Variants in LUC7L3 observed in about 807,000 individuals in gnomAD.
LUC7L3 encodes the protein LUC7 like 3 pre-mRNA splicing factor, also known as luc7-like protein 3.
LUC7L3 carries 6 observed loss-of-function variants against 66.8 expected under a neutral mutation model. The ratio of observed to expected loss-of-function variants is 0.09; its 90% CI spans 0.05 to 0.18. LUC7L3 has a LOEUF of 0.18. LUC7L3 is among the 10% of genes least tolerant of loss of function. LUC7L3 has a pLI of 1.00. For missense variants in LUC7L3, 341 were observed against 531.1 expected (o/e 0.64, Z 3.52); for synonymous variants, 160 against 174.7 (o/e 0.92, Z 0.66).
intron 1 of LUC7L3, among the ~76,000 whole-genome samples, chr17:50,729,572 TCA>T (rs1969426018): frequency 1.3e-5 from 2 of 151,944 alleles, no homozygotes; most frequent in Admixed American, 6.6e-5. Flanking sequence ...CAGGGCATAC[TCA>T]CACACCCACA....
Position 50,750,890 on chromosome 17 carries a change from G to A in LUC7L3, c.*229G>A, listed in dbSNP as rs187921221. 2.3e-5 allele frequency: 35 copies of A among 1,536,064 alleles called. No individual in the cohort carries two copies. The highest frequency in any genetic ancestry group is 2.1e-4 in the African/African-American group (15 of 73,108). ...GTCTCAGCTATTTTGTAGCAGACTCGTGCCCCCATTAGTGTGCCTCTTTGG... is the reference window on the plus strand; with the variant it reads ...GTCTCAGCTATTTTGTAGCAGACTCATGCCCCCATTAGTGTGCCTCTTTGG... On this transcript the variant is annotated 3_prime_UTR_variant, in exon 10 of 10. Coordinates refer to ENST00000505658, the MANE Select transcript of LUC7L3 (RefSeq NM_016424.5).
At chr17:50,735,954 GAAACCC>G (rs1969959314) in intron 1 of LUC7L3, among the ~76,000 whole-genome samples, 3 of 152,190 alleles carry the variant, frequency 2.0e-5, no homozygotes, top group Admixed American at 2.0e-4. Flanking sequence ...CCAACATGGT[GAAACCC>G]TGTCTGTACT....
chr17:50,723,660 C>CT (rs1567854436), intron 1 of LUC7L3: 13 of 173,700 alleles, frequency 7.5e-5, no homozygotes, highest in South Asian at 2.0e-4. Flanking sequence ...TGCCCCCCCC[C>CT]CTTTTTTTTT....
chr17:50,734,384 C>G (rs1014908086), intron 1 of LUC7L3, among the ~76,000 whole-genome samples: 3 of 152,162 alleles, frequency 2.0e-5, no homozygotes, highest in Non-Finnish European at 4.4e-5. Context: ...TCATGCTGGT[C>G]TCAAACTCCC....
chr17:50,729,896 TTATATATATATATATATA>T (rs1156777167), intron 1 of LUC7L3, among the ~76,000 whole-genome samples: 990 of 65,486 alleles, frequency 0.015, 32 homozygotes, highest in East Asian at 0.081. Context: ...TATAAATACA[TTATATATATATATATATA>T]TATATATATA....
chr17:50,747,790 A>G (rs548770798), intron 9 of LUC7L3, among the ~76,000 whole-genome samples: 50 of 152,250 alleles, frequency 3.3e-4, no homozygotes, highest in African/African-American at 7.9e-4. Flanking sequence ...TTTAACATCT[A>G]TTGGCTTTTA....
chr17:50,734,700 G>C (rs1969862386), intron 1 of LUC7L3, among the ~76,000 whole-genome samples: 1 of 152,186 alleles, frequency 6.6e-6, no homozygotes, highest in African/African-American at 2.4e-5. Flanking sequence ...AAAGAAAACA[G>C]TAGAAAGATA....
chr17:50,751,188 G>C lies in LUC7L3; in HGVS notation c.*527G>C. The stretch of plus-strand genomic sequence containing the variant: ...GATGTTTCTAGTTTTTTGCTTTATT[G>C]CCTTGCATTCTAATGCAGTTTGTTC... On this transcript the variant is annotated 3_prime_UTR_variant, in exon 10 of 10. Transcript: ENST00000505658. 1.4e-6 allele frequency: 2 copies of C among 1,470,134 alleles called. No homozygotes were observed. Among genetic ancestry groups the C allele is most frequent in the Non-Finnish European group, 1.8e-6 (2 of 1,109,122 alleles). 91.1% of individuals were successfully genotyped at this position (1,470,134 alleles called of 1,614,324 possible).
At chr17:50,730,513 C>CAAAAAAAAAAAAAAAAAAAAAAAAAAA (rs3063109) in intron 1 of LUC7L3, among the ~76,000 whole-genome samples, 10 of 59,088 alleles carry the variant, frequency 1.7e-4, no homozygotes, top group African/African-American at 3.8e-4. Flanking sequence ...ACTCTGTCTC[C>CAAAAAAAAAAAAAAAAAAAAAAAAAAA]AAAAAAAAAA....
Position 50,755,774 on chromosome 17 carries a change from G to GT in LUC7L3, c.*5114dup, listed in dbSNP as rs1971098367. 1 of 152,164 alleles carries GT rather than the reference G, an allele frequency of 6.6e-6. No homozygotes were observed. The highest frequency in any genetic ancestry group is 2.4e-5 in the African/African-American group (1 of 41,430). 9.4% of individuals were successfully genotyped at this position (152,164 alleles called of 1,614,324 possible). A position where few individuals can be genotyped will look rare whatever the true frequency, so the allele number is the denominator to read the frequency against. The stretch of plus-strand genomic sequence containing the variant: ...AGGGGATGGATTTAAGCATTTGTGT[G>GT]TAATAGGAAGAAAAGAAGAAAAAAC... On this transcript the variant is annotated 3_prime_UTR_variant, in exon 10 of 10. Coordinates refer to ENST00000505658, the MANE Select transcript of LUC7L3 (RefSeq NM_016424.5).
chr17:50,752,312 CAGTT>C lies in LUC7L3; in HGVS notation c.*1656_*1659del, dbSNP rs1219582764. ...AGTGGCATAGAAAAAGTATAAAGCT[CAGTT>C]AGTTTTTTTATTATTATTATTATTA... On this transcript the variant is annotated 3_prime_UTR_variant, in exon 10 of 10. Coordinates refer to ENST00000505658, the MANE Select transcript of LUC7L3 (RefSeq NM_016424.5). The C allele has an allele frequency of 2.4e-5, 23 of 941,756 alleles. No individual in the cohort carries two copies. The highest frequency in any genetic ancestry group is 2.1e-4 in the African/African-American group (12 of 56,770). 58.3% of individuals were successfully genotyped at this position (941,756 alleles called of 1,614,324 possible). A position where few individuals can be genotyped will look rare whatever the true frequency, so the allele number is the denominator to read the frequency against.
chr17:50,723,742 C>T (rs1156883942), intron 1 of LUC7L3: 4 of 307,606 alleles, frequency 1.3e-5, no homozygotes, highest in African/African-American at 2.3e-5. Context: ...GCAACCTCCA[C>T]CTCCTGGCCT....
chr17:50,744,095 T>C (rs1256772023), intron 6 of LUC7L3, among the ~76,000 whole-genome samples: 6 of 152,246 alleles, frequency 3.9e-5, no homozygotes, highest in Non-Finnish European at 8.8e-5. Flanking sequence ...CATATGAGCC[T>C]GGTTTTATTT....
intron 1 of LUC7L3, among the ~76,000 whole-genome samples, chr17:50,726,354 T>C (rs1312784879): frequency 6.6e-6 from 1 of 152,096 alleles, no homozygotes; most frequent in Non-Finnish European, 1.5e-5. Context: ...GTATTTTTAG[T>C]AGAGATGGGG....
At chr17:50,741,877 GAA>G in intron 5 of LUC7L3, 146 bp downstream of exon 5, 1 of 606,270 alleles carries the variant, frequency 1.6e-6, no homozygotes, top group Non-Finnish European at 2.9e-6. Context: ...TTGAGCCGGA[GAA>G]TTTGAGACCA....
intron 5 of LUC7L3, among the ~76,000 whole-genome samples, chr17:50,742,828 A>G (rs1245750594): frequency 6.6e-6 from 1 of 152,262 alleles, no homozygotes; most frequent in Non-Finnish European, 1.5e-5. Context: ...ATCAATTAAA[A>G]TACCCATCAG....
intron 2 of LUC7L3, among the ~76,000 whole-genome samples, chr17:50,737,933 C>G (rs945652824): frequency 6.6e-6 from 1 of 152,098 alleles, no homozygotes. Context: ...TAAAAGAAGT[C>G]AATTCATTAT....
chr17:50,729,346 C>G (rs1969412164), intron 1 of LUC7L3, among the ~76,000 whole-genome samples: 2 of 152,182 alleles, frequency 1.3e-5, no homozygotes, highest in Admixed American at 1.3e-4. Flanking sequence ...ATGGTAAACT[C>G]ACCACTTTTG....
At chr17:50,727,352 G>GCTTC (rs1258891244) in intron 1 of LUC7L3, among the ~76,000 whole-genome samples, 1 of 152,214 alleles carries the variant, frequency 6.6e-6, no homozygotes, top group Non-Finnish European at 1.5e-5. Flanking sequence ...GTCCCAGACT[G>GCTTC]CTTCCACTCA....
Sources: allele counts gnomAD v4.1 joint callset (sites outside exome capture counted in the v4.1 genomes callset), GRCh38; gene constraint gnomAD v4.1.1; transcripts MANE v1.5; gene names NCBI Gene and HGNC (gene_info 2026-07-23, HGNC 2026-07-21).